Variants in HEATR4 observed in about 807,000 individuals in gnomAD.
HEATR4 encodes HEAT repeat containing 4, also known as HEAT repeat-containing protein 4.
In HEATR4, 95 loss-of-function variants were observed where a neutral mutation model predicts 108.8. That is an observed-to-expected ratio of 0.87 (90% CI 0.74 to 1.04). The LOEUF (loss-of-function observed/expected upper bound fraction) is 1.04. Ranked by LOEUF, HEATR4 falls within the 50% of genes least tolerant of loss-of-function variation. HEATR4 has a pLI of 0.00. For synonymous variants in HEATR4, 443 were observed against 459.4 expected (o/e 0.96, Z 0.46); for missense variants, 1,152 against 1,253.8 (o/e 0.92, Z 1.23).
intron 17 of HEATR4, among the ~76,000 whole-genome samples, chr14:73,490,248 C>A (rs894210010): frequency 2.0e-5 from 3 of 152,188 alleles, no homozygotes; most frequent in Admixed American, 6.5e-5. Flanking sequence ...GTCTCAGCCT[C>A]CCGAGTAGCT....
At chr14:73,479,024 C>A (rs894819845) in intron 17 of HEATR4, among the ~76,000 whole-genome samples, 182 bp from the exon 18 acceptor site, 3 of 151,956 alleles carry the variant, frequency 2.0e-5, no homozygotes, top group Non-Finnish European at 4.4e-5. Context: ...CTGCAATCTC[C>A]GACTCCCGGG....
the HEATR4 span, among the ~76,000 whole-genome samples, chr14:73,589,743 C>T: frequency 1.5e-3 from 226 of 152,286 alleles, 2 homozygotes; most frequent in Non-Finnish European, 8.5e-4. Flanking sequence ...ACTTCAACAA[C>T]GAAGCCACAG....
At chr14:73,569,201 G>A in the HEATR4 span, 27 of 1,606,310 alleles carry the variant, frequency 1.7e-5, no homozygotes, top group Non-Finnish European at 2.2e-5. Context: ...AGACAGCTCT[G>A]CCCTAGTGGG....
At chr14:73,617,334 G>A in the HEATR4 span, 3 of 1,181,404 alleles carry the variant, frequency 2.5e-6, no homozygotes, top group Non-Finnish European at 2.5e-6. Context: ...TAGGGTGGAA[G>A]CTGGGCATGG....
the HEATR4 span, among the ~76,000 whole-genome samples, chr14:73,613,519 A>G: frequency 0.015 from 2,250 of 152,298 alleles, 57 homozygotes; most frequent in African/African-American, 0.051. Context: ...TTAATTGTTT[A>G]AAAACACACA....
At chr14:73,593,194 C>T in the HEATR4 span, among the ~76,000 whole-genome samples, 2 of 152,202 alleles carry the variant, frequency 1.3e-5, no homozygotes, top group African/African-American at 4.8e-5. Flanking sequence ...CACTGCCTTT[C>T]TCACCTAAAA....
chr14:73,494,310 C>T (rs966815978), intron 16 of HEATR4, among the ~76,000 whole-genome samples: 5 of 152,248 alleles, frequency 3.3e-5, no homozygotes, highest in East Asian at 1.9e-4. Context: ...GCTGATGCTA[C>T]GCTCAGGCAC....
chr14:73,483,858 A>ATT (rs998191820), intron 17 of HEATR4, among the ~76,000 whole-genome samples: 1 of 146,856 alleles, frequency 6.8e-6, no homozygotes. Flanking sequence ...TTAGATGTCA[A>ATT]TTTTTTTTTT....
rs748638576 is a variant in HEATR4, at chr14:73,478,822, T to C, written c.2865A>G (p.Pro955=). Residue 955 remains proline, a synonymous_variant, in exon 18 of 18, where the codon CCA becomes CCG. Coordinates refer to ENST00000553558, the MANE Select transcript of HEATR4 (RefSeq NM_001220484.1). ...AVIKPVKPRA[P]NPWLQSSVPG... ...GGACTGAACTTTGTAACCAGGGATT[T>C]GGTGCGCGGGGCTTCACAGGCTGCA... 41 of 1,609,378 alleles carry C rather than the reference T, an allele frequency of 2.5e-5. No homozygotes were observed. The highest frequency in any genetic ancestry group is 3.5e-5 in the Non-Finnish European group (41 of 1,177,514).
the HEATR4 span, chr14:73,575,477 G>A: frequency 2.9e-4 from 441 of 1,495,132 alleles, 2 homozygotes; most frequent in African/African-American, 6.2e-3. Context: ...ACAAACACTT[G>A]GGTGGCCACG....
chr14:73,512,120 T>C lies in HEATR4; in HGVS notation c.1444A>G (p.Asn482Asp), dbSNP rs763315963. ...AGGTCTCCCAAGCTCTGAAGCAGGT[T>C]CTCTACTGTCTCATGGTGCCACTCT... The part of the protein sequence containing the change: ...IIEWHHETVE[N>D]LLQSLGDLHD... The change falls in exon 7 of 18, where the codon AAC becomes GAC. Residue 482 changes from asparagine (N) to aspartate (D), a missense_variant. Asn to Asp is a conservative substitution (Grantham distance 23, BLOSUM62 1). Transcript: ENST00000553558. 1.2e-5 allele frequency: 20 copies of C among 1,614,148 alleles called. 1 individual carries two copies. In the South Asian group the frequency reaches 2.0e-4, roughly 16 times the overall value.
At chr14:73,592,486 T>G in the HEATR4 span, 1 of 1,420,918 alleles carries the variant, frequency 7.0e-7, no homozygotes, top group East Asian at 2.5e-5. Context: ...CAGTGCTGAT[T>G]TAGCACTGGT....
chr14:73,509,308 T>A lies in HEATR4; in HGVS notation c.1720+4A>T. 1 of 1,613,378 alleles carries A rather than the reference T, an allele frequency of 6.2e-7. No individual in the cohort carries two copies. The highest frequency in any genetic ancestry group is 8.5e-7 in the Non-Finnish European group (1 of 1,179,386). On this transcript the variant is annotated splice_donor_region_variant and intron_variant, in intron 8 of 17. Coordinates refer to ENST00000553558, the MANE Select transcript of HEATR4 (RefSeq NM_001220484.1). Reference sequence around the variant, plus strand: ...CAGGTCAGAAGTAACAGGGAGTTACTCACCCTTCAGAAGGGCAGTCTGCAT... The same window carrying A: ...CAGGTCAGAAGTAACAGGGAGTTACACACCCTTCAGAAGGGCAGTCTGCAT...
the HEATR4 span, chr14:73,569,849 G>C: frequency 6.2e-7 from 1 of 1,604,978 alleles, no homozygotes; most frequent in Non-Finnish European, 8.5e-7. Flanking sequence ...CGGTGCGCGT[G>C]GGCCGGGTGC....
At chr14:73,576,816 A>AAAAAAAAAAAAAAAAAAAAAAAAAAAAAG in the HEATR4 span, among the ~76,000 whole-genome samples, 61 of 58,158 alleles carry the variant, frequency 1.0e-3, 22 homozygotes, top group Non-Finnish European at 1.8e-3. Context: ...AAAAAAAAAA[A>AAAAAAAAAAAAAAAAAAAAAAAAAAAAAG]AAAAGACAAT....
At chr14:73,625,384 A>G in the HEATR4 span, among the ~76,000 whole-genome samples, 28,191 of 150,016 alleles carry the variant, frequency 0.19, 3,043 homozygotes, top group Non-Finnish European at 0.25. Context: ...TTTTTTAGAC[A>G]GAGTTTCACT....
intron 2 of HEATR4, among the ~76,000 whole-genome samples, chr14:73,528,392 C>CAAAAAAAAAAAAAAAA (rs371875141): frequency 1.1e-5 from 1 of 88,518 alleles, no homozygotes; most frequent in Non-Finnish European, 2.0e-5. Flanking sequence ...AACTTCATCT[C>CAAAAAAAAAAAAAAAA]AAAAAAAAAA....
the HEATR4 span, chr14:73,611,685 C>A: frequency 1.3e-5 from 2 of 152,150 alleles, no homozygotes; most frequent in Admixed American, 1.3e-4. Context: ...TTAATGGTCA[C>A]AATAAGCCTT....
intron 17 of HEATR4, among the ~76,000 whole-genome samples, chr14:73,483,026 A>C (rs1282831621): frequency 6.6e-6 from 1 of 152,212 alleles, no homozygotes; most frequent in Non-Finnish European, 1.5e-5. Flanking sequence ...TCTAGGAAGG[A>C]ATACGGACTG....
Sources: gnomAD v4.1 joint callset for allele counts (sites outside exome capture counted in the v4.1 genomes callset) on GRCh38, gnomAD v4.1.1 for gene constraint, MANE v1.5 for transcripts, NCBI Gene and HGNC (gene_info 2026-07-23, HGNC 2026-07-21) for gene names.